PRKAG2: variants seen among roughly 807,000 people sequenced by gnomAD.
The protein encoded by PRKAG2 is 5'-AMP-activated protein kinase subunit gamma-2.
PRKAG2 carries 26 observed loss-of-function variants against 69.6 expected under a neutral mutation model. That is an observed-to-expected ratio of 0.37 (90% CI 0.27 to 0.52). PRKAG2 has a LOEUF of 0.52. Ranked by LOEUF, PRKAG2 falls within the 20% of genes least tolerant of loss-of-function variation. The pLI, the probability that PRKAG2 is intolerant of heterozygous loss-of-function variation, is 0.90. For missense variants in PRKAG2, 557 were observed against 740.0 expected (o/e 0.75, Z 2.87); for synonymous variants, 293 against 285.0 (o/e 1.03, Z -0.28).
intron 14 of PRKAG2, among the ~76,000 whole-genome samples, chr7:151,561,141 A>G (rs1006464280): frequency 1.3e-5 from 2 of 152,186 alleles, no homozygotes; most frequent in Admixed American, 1.3e-4. Flanking sequence ...GTCTCTAATG[A>G]TACTGATTTG....
chr7:151,743,364 G>T (rs2074036161), intron 3 of PRKAG2, among the ~76,000 whole-genome samples: 1 of 152,128 alleles, frequency 6.6e-6, no homozygotes, highest in Admixed American at 6.5e-5. Context: ...CGTGCTGTGT[G>T]GCCAAGGCTT....
chr7:151,762,035 C>G (rs2075441717), intron 3 of PRKAG2, among the ~76,000 whole-genome samples: 1 of 152,242 alleles, frequency 6.6e-6, no homozygotes. Flanking sequence ...AGCTCATGGC[C>G]TGGGGCCATG....
chr7:151,665,548 A>G (rs1830922669), intron 4 of PRKAG2, among the ~76,000 whole-genome samples: 1 of 152,206 alleles, frequency 6.6e-6, no homozygotes, highest in South Asian at 2.1e-4. Flanking sequence ...CTGTCTCTTC[A>G]GCACACAGGC....
chr7:151,654,256 G>A (rs1829064703), intron 4 of PRKAG2, among the ~76,000 whole-genome samples: 1 of 152,140 alleles, frequency 6.6e-6, no homozygotes, highest in Non-Finnish European at 1.5e-5. Context: ...GAAGGATGAG[G>A]ACGAGGCTTG....
At position 151,675,464 on chromosome 7, in the gene PRKAG2, T is replaced by C. The variant is rs730880987; in HGVS notation, c.640A>G (p.Arg214Gly). 7 of 1,614,120 alleles carry C rather than the reference T, an allele frequency of 4.3e-6. No homozygotes were observed. Among genetic ancestry groups the C allele is most frequent in the Admixed American group, 3.3e-5 (2 of 60,014 alleles). ...FCPSSFQSPTRPPLASPTHYA... is the reference protein window; with the variant it reads ...FCPSSFQSPTGPPLASPTHYA... ...TGTGTCGGTGATGCCAGTGGAGGCCTGGTCGGGCTCTGGAAGGAAGACGGG... is the reference window on the plus strand; with the variant it reads ...TGTGTCGGTGATGCCAGTGGAGGCCCGGTCGGGCTCTGGAAGGAAGACGGG... The change falls in exon 4 of 16, where the codon AGG becomes GGG. Residue 214 changes from arginine to glycine, a missense_variant. By Grantham distance (125) the Arg-to-Gly change is moderately radical. Around this residue, in one of 2 missense-constraint regions of PRKAG2, gnomAD observed 352 missense variants for 356.7 expected, o/e 0.99. Coordinates refer to ENST00000287878, the MANE Select transcript of PRKAG2 (RefSeq NM_016203.4).
chr7:151,782,331 AGGAAGGAAGGAGGGAGGGAG>A (rs1239561792), intron 2 of PRKAG2, among the ~76,000 whole-genome samples: 77 of 26,970 alleles, frequency 2.9e-3, no homozygotes, highest in South Asian at 7.9e-3. Context: ...GAAGGAAGGA[AGGAAGGAAGGAGGGAGGGAG>A]GGAGGGAGGG....
chr7:151,584,764 G>A (rs183513370), intron 6 of PRKAG2, among the ~76,000 whole-genome samples: 3 of 152,250 alleles, frequency 2.0e-5, no homozygotes, highest in African/African-American at 7.2e-5. Flanking sequence ...GAATGTGGTG[G>A]TGCACGCCTG....
At chr7:151,595,072 A>T (rs2151132908) in intron 6 of PRKAG2, among the ~76,000 whole-genome samples, 1 of 152,310 alleles carries the variant, frequency 6.6e-6, no homozygotes, top group Non-Finnish European at 1.5e-5. Flanking sequence ...TGCTGGGATT[A>T]CAGACGTGAG....
At chr7:151,602,796 T>C (rs1487383881) in intron 5 of PRKAG2, among the ~76,000 whole-genome samples, 2 of 152,216 alleles carry the variant, frequency 1.3e-5, no homozygotes, top group Non-Finnish European at 2.9e-5. Flanking sequence ...TCCTCCATGC[T>C]GTTCTTGTGA....
chr7:151,671,320 A>G (rs1161760482), intron 4 of PRKAG2, among the ~76,000 whole-genome samples: 1 of 152,002 alleles, frequency 6.6e-6, no homozygotes, highest in Non-Finnish European at 1.5e-5. Flanking sequence ...GTATCTTTTT[A>G]TTACAAAAGG....
chr7:151,833,694 A>G (rs555361899), intron 1 of PRKAG2, among the ~76,000 whole-genome samples: 4 of 152,344 alleles, frequency 2.6e-5, no homozygotes, highest in African/African-American at 9.6e-5. Flanking sequence ...GTTTGGAGAA[A>G]TAACACTTCC....
At chr7:151,855,483 A>C (rs1047274051) in intron 1 of PRKAG2, among the ~76,000 whole-genome samples, 3 of 36,516 alleles carry the variant, frequency 8.2e-5, no homozygotes, top group Admixed American at 3.9e-4. Context: ...TCCACACACC[A>C]CCCTCCACAC....
intron 3 of PRKAG2, among the ~76,000 whole-genome samples, chr7:151,702,556 T>A (rs1837902069): frequency 1.3e-5 from 2 of 152,226 alleles, no homozygotes; most frequent in African/African-American, 4.8e-5. Flanking sequence ...AGGAAGCCCA[T>A]CAGGGCACTG....
chr7:151,562,273 A>AG (rs1563136743), intron 14 of PRKAG2, among the ~76,000 whole-genome samples: 3 of 142,468 alleles, frequency 2.1e-5, no homozygotes, highest in Non-Finnish European at 4.5e-5. Flanking sequence ...AAAAAAAAAA[A>AG]GGCTTCAGAA....
Position 151,632,422 on chromosome 7 carries a change from G to C in PRKAG2, c.685-284C>G, listed in dbSNP as rs1487553639. On this transcript the variant is annotated intron_variant, in intron 4 of 15. Transcript: ENST00000287878. This position sits in a 1 kb window ranked among gnomAD's most constrained non-coding sequence, Gnocchi z 4.2. ...GCGCCTTGGTACGGCCCGCCCGGGA[G>C]GAAGCGTGGGAAGGGACCCGGGAGC... 3.8e-6 allele frequency: 2 copies of C among 523,704 alleles called. No homozygotes were observed. The highest frequency in any genetic ancestry group is 4.9e-6 in the Non-Finnish European group (2 of 409,320). 32.4% of individuals were successfully genotyped at this position (523,704 alleles called of 1,614,324 possible). A position where few individuals can be genotyped will look rare whatever the true frequency, so the allele number is the denominator to read the frequency against.
In PRKAG2 at chr7:151,876,666, T is replaced by TC; in HGVS notation, c.-47dup. ...TCTGCGAAACTCCTCGGGGGTTCGG[T>TC]CCCCTCCTTCCCTCCCCCGGCCGCT... On this transcript the variant is annotated 5_prime_UTR_variant, in exon 1 of 16. Transcript: ENST00000287878. The TC allele has an allele frequency of 6.4e-7, 1 of 1,550,912 alleles. No homozygotes were observed. The highest frequency in any genetic ancestry group is 8.8e-7 in the Non-Finnish European group (1 of 1,134,640).
intron 1 of PRKAG2, among the ~76,000 whole-genome samples, chr7:151,849,929 A>G (rs1398055856): frequency 6.6e-6 from 1 of 152,102 alleles, no homozygotes; most frequent in Non-Finnish European, 1.5e-5. Flanking sequence ...ACATAATTCA[A>G]TCCGTGCCAC....
intron 2 of PRKAG2, among the ~76,000 whole-genome samples, chr7:151,783,278 G>A (rs2076823732): frequency 6.6e-6 from 1 of 152,250 alleles, no homozygotes; most frequent in Admixed American, 6.5e-5. Context: ...GCAGGAAGAA[G>A]AGTGTGGTGC....
At chr7:151,790,920 C>A (rs1294388144) in intron 1 of PRKAG2, among the ~76,000 whole-genome samples, 1 of 152,242 alleles carries the variant, frequency 6.6e-6, no homozygotes, top group Non-Finnish European at 1.5e-5. Context: ...GGATGTGAGG[C>A]CTGCTGCTAG....
Sources: allele counts gnomAD v4.1 joint callset (sites outside exome capture counted in the v4.1 genomes callset), GRCh38; gene constraint gnomAD v4.1.1; regional missense constraint gnomAD v4.1.1; non-coding constraint Gnocchi (gnomAD v3.1); transcripts MANE v1.5; gene names NCBI Gene and HGNC (gene_info 2026-07-23, HGNC 2026-07-21).